PHC3: variants seen among roughly 807,000 people sequenced by gnomAD.
The protein encoded by PHC3 is polyhomeotic homolog 3, also known as polyhomeotic-like protein 3.
PHC3 carries 13 observed loss-of-function variants against 107.4 expected under a neutral mutation model. The ratio of observed to expected loss-of-function variants is 0.12; its 90% CI spans 0.08 to 0.19. The LOEUF (loss-of-function observed/expected upper bound fraction) is 0.19, where lower values mean the gene tolerates loss of function less well. Ranked by LOEUF, PHC3 falls within the 10% of genes least tolerant of loss-of-function variation. The pLI is 1.00. For synonymous variants in PHC3, 456 were observed against 427.4 expected (o/e 1.07, Z -0.83); for missense variants, 992 against 1,210.9 (o/e 0.82, Z 2.68).
chr3:170,104,317 C>T lies in PHC3; in HGVS notation c.2469-1383G>A, dbSNP rs530440396. Among the ~76,000 whole-genome samples the T allele has an allele frequency of 1.9e-4, 29 of 152,134 alleles. No individual in the cohort carries two copies. In the East Asian group the frequency reaches 5.4e-3, roughly 28 times the overall value. On this transcript the variant is annotated intron_variant, in intron 12 of 14. Transcript: ENST00000495893. ...GGCCTGGGTGAGTTTGCCAACCTTT[C>T]CCTAGAAAGAAGAGTGAGAAGAAAT...
At chr3:170,125,646 A>G (rs1376635312) in intron 8 of PHC3, among the ~76,000 whole-genome samples, 4 of 152,328 alleles carry the variant, frequency 2.6e-5, no homozygotes, top group South Asian at 4.1e-4. Flanking sequence ...CACAAATAGC[A>G]TATTTTGAAA....
chr3:170,102,487 G>A lies in PHC3; in HGVS notation c.2825C>T (p.Ser942Phe). ...TVDDVWAFIH[S>F]LPGCQDIADE... ...AGTGATGAATTACATACCAGGCAAA[G>A]AATGGATGAAGGCCCAGACATCATC... The change falls in exon 14 of 15, where the codon TCT becomes TTT. Residue 942 changes from serine (S) to phenylalanine (F), a missense_variant. Transcript: ENST00000495893. The A allele has an allele frequency of 6.2e-7, 1 of 1,613,328 alleles. No homozygotes were observed. Among genetic ancestry groups the A allele is most frequent in the Non-Finnish European group, 8.5e-7 (1 of 1,179,620 alleles).
In PHC3 at chr3:170,149,141, C is replaced by T; in HGVS notation, c.518G>A (p.Ser173Asn). 6.2e-7 allele frequency: 1 copy of T among 1,613,204 alleles called. No individual in the cohort carries two copies. Among genetic ancestry groups the T allele is most frequent in the Non-Finnish European group, 8.5e-7 (1 of 1,179,718 alleles). ...SITQQTMLLG[S>N]TSPTLTASQA... ...GCTTGCCGTTAGGGTAGGGGAAGTA[C>T]TCCCTAGTAACATAGTCTGTTGGGT... The change falls in exon 5 of 15, where the codon AGT becomes AAT. Residue 173 changes from serine to asparagine, a missense_variant. Transcript: ENST00000495893.
chr3:170,116,557 A>ACT (rs1487051958), intron 10 of PHC3, among the ~76,000 whole-genome samples: 1 of 151,858 alleles, frequency 6.6e-6, no homozygotes, highest in Non-Finnish European at 1.5e-5. Context: ...ACAGAGCGAG[A>ACT]CTCTCTCTCA....
chr3:170,120,794 G>A (rs989242160), intron 9 of PHC3, among the ~76,000 whole-genome samples: 4 of 152,078 alleles, frequency 2.6e-5, no homozygotes, highest in Admixed American at 6.5e-5. Flanking sequence ...TTGCCTGGAC[G>A]GCAGACAGGG....
chr3:170,133,547 A>G lies in PHC3; in HGVS notation c.919+2872T>C, dbSNP rs544608621. 3.9e-5 allele frequency among the ~76,000 whole-genome samples: 6 copies of G among 152,352 alleles called. No individual in the cohort carries two copies. In the South Asian group the frequency reaches 1.2e-3, roughly 32 times the overall value. ...AAAATATAGCTATAGCCTTAATAGAAGATATGAATGGCTTTGAATAACTGC... is the reference window on the plus strand; with the variant it reads ...AAAATATAGCTATAGCCTTAATAGAGGATATGAATGGCTTTGAATAACTGC... On this transcript the variant is annotated intron_variant, in intron 7 of 14. Coordinates refer to ENST00000495893, the MANE Select transcript of PHC3 (RefSeq NM_024947.4).
intron 11 of PHC3, among the ~76,000 whole-genome samples, chr3:170,109,809 T>G (rs1717272937): frequency 6.6e-6 from 1 of 152,120 alleles, no homozygotes; most frequent in Admixed American, 6.6e-5. Context: ...TTATCCTTTA[T>G]ATGCTTACCA....
chr3:170,088,364 A>C lies in PHC3; in HGVS notation c.*8866T>G, dbSNP rs1713708489. On this transcript the variant is annotated 3_prime_UTR_variant, in exon 15 of 15. Coordinates refer to ENST00000495893, the MANE Select transcript of PHC3 (RefSeq NM_024947.4). Reference sequence around the variant, plus strand: ...AATTGGTCTTTGCTAAAATTAACAAAATTTTAATAAGCAAGACGACAAAAA... The same window carrying C: ...AATTGGTCTTTGCTAAAATTAACAACATTTTAATAAGCAAGACGACAAAAA... 6.6e-6 allele frequency: 1 copy of C among 152,208 alleles called. No homozygotes were observed. The allele number at this position is 152,208 out of a possible 1,614,324, so 9.4% of individuals were successfully genotyped here. A position where few individuals can be genotyped will look rare whatever the true frequency, so the allele number is the denominator to read the frequency against.
At position 170,128,706 on chromosome 3, in the gene PHC3, G is replaced by A; in HGVS notation, c.1766C>T (p.Pro589Leu). 1 of 1,613,988 alleles carries A rather than the reference G, an allele frequency of 6.2e-7. No individual in the cohort carries two copies. Among genetic ancestry groups the A allele is most frequent in the Non-Finnish European group, 8.5e-7 (1 of 1,179,852 alleles). The part of the protein sequence containing the change: ...TVAVNLQVQP[P>L]APVDPPVVYQ... ...TACCACTGGTGGATCAACAGGTGCTGGTGGTTGCACTTGTAGGTTTACCGC... is the reference window on the plus strand; with the variant it reads ...TACCACTGGTGGATCAACAGGTGCTAGTGGTTGCACTTGTAGGTTTACCGC... Residue 589 changes from proline (P) to leucine (L), a missense_variant, in exon 8 of 15, where the codon CCA becomes CTA. Pro to Leu is a moderately conservative substitution (Grantham distance 98). Around this residue, in one of 6 missense-constraint regions of PHC3, gnomAD observed 543 missense variants for 590.8 expected, o/e 0.92. Transcript: ENST00000495893.
At chr3:170,138,924 C>T (rs1723595290) in intron 6 of PHC3, among the ~76,000 whole-genome samples, 1 of 151,940 alleles carries the variant, frequency 6.6e-6, no homozygotes, top group Non-Finnish European at 1.5e-5. Flanking sequence ...GACTAAATGC[C>T]ATCTTTTCTC....
At chr3:170,135,553 A>T (rs1316432409) in intron 7 of PHC3, among the ~76,000 whole-genome samples, 1 of 152,168 alleles carries the variant, frequency 6.6e-6, no homozygotes, top group Non-Finnish European at 1.5e-5. Flanking sequence ...GTGATTTAGA[A>T]AACTATGCAG....
chr3:170,128,536 A>C, intron 8 of PHC3, 148 bp downstream of exon 8: 1 of 1,180,016 alleles, frequency 8.5e-7, no homozygotes, highest in Non-Finnish European at 1.2e-6. Context: ...TTTTGCCCAT[A>C]CAGCATGTTT....
intron 10 of PHC3, among the ~76,000 whole-genome samples, chr3:170,115,730 A>C (rs1470359623): frequency 2.6e-5 from 4 of 152,218 alleles, no homozygotes; most frequent in Non-Finnish European, 5.9e-5. Flanking sequence ...AGAGCAAAGC[A>C]CCGTCTCCAC....
intron 10 of PHC3, 76 bp from the exon 11 acceptor site, chr3:170,113,595 T>G (rs1218730415): frequency 7.4e-7 from 1 of 1,360,154 alleles, no homozygotes; most frequent in Non-Finnish European, 9.9e-7. Context: ...TAAAAAACTC[T>G]TAAAATGAAA....
intron 4 of PHC3, among the ~76,000 whole-genome samples, chr3:170,160,511 T>C (rs1254252355): frequency 3.9e-5 from 6 of 152,206 alleles, no homozygotes; most frequent in African/African-American, 1.4e-4. Flanking sequence ...AACCAAAGAA[T>C]CTCATCACTG....
intron 8 of PHC3, chr3:170,126,041 C>G: frequency 7.5e-6 from 6 of 797,430 alleles, no homozygotes; most frequent in Non-Finnish European, 9.1e-6. Flanking sequence ...TCTAAATTAT[C>G]TACCCTCAAC....
At chr3:170,168,671 G>A (rs1729109269) in intron 4 of PHC3, among the ~76,000 whole-genome samples, 1 of 148,176 alleles carries the variant, frequency 6.7e-6, no homozygotes, top group Non-Finnish European at 1.5e-5. Context: ...GGAGAATGGC[G>A]TGAACTCGGG....
intron 9 of PHC3, 35 bp downstream of exon 9, chr3:170,122,556 T>C (rs1167490681): frequency 1.2e-6 from 2 of 1,604,024 alleles, no homozygotes; most frequent in South Asian, 1.1e-5. Context: ...ATTTATCAAA[T>C]AGAAAAATTC....
chr3:170,160,640 C>G (rs1022941550), intron 4 of PHC3, among the ~76,000 whole-genome samples: 2 of 152,204 alleles, frequency 1.3e-5, no homozygotes, highest in African/African-American at 4.8e-5. Flanking sequence ...GTGGCTCACG[C>G]CTGTAATCCT....
Sources: gnomAD v4.1 joint callset for allele counts (sites outside exome capture counted in the v4.1 genomes callset) on GRCh38, gnomAD v4.1.1 for gene constraint, gnomAD v4.1.1 regional missense constraint, MANE v1.5 for transcripts, NCBI Gene and HGNC (gene_info 2026-07-23, HGNC 2026-07-21) for gene names.